PRKG1: variants seen among roughly 807,000 people sequenced by gnomAD.
PRKG1 encodes protein kinase cGMP-dependent 1.
A neutral mutation model predicts 88.1 loss-of-function variants in PRKG1; 35 were observed. The ratio of observed to expected loss-of-function variants is 0.40; its 90% CI spans 0.30 to 0.53. The LOEUF (loss-of-function observed/expected upper bound fraction) is 0.53, where lower values mean the gene tolerates loss of function less well. Ranked by LOEUF, PRKG1 falls within the 20% of genes least tolerant of loss-of-function variation. The probability of loss-of-function intolerance (pLI) is 0.59; values close to 1 mark genes in which losing one functional copy is unlikely to be tolerated. For missense variants in PRKG1, 540 were observed against 839.8 expected, an observed-to-expected ratio of 0.64 and a Z score of 4.41; for synonymous variants, 303 against 292.5, an observed-to-expected ratio of 1.04 and a Z score of -0.37.
intron 4 of PRKG1, among the ~76,000 whole-genome samples, chr10:51,827,676 G>A (rs1246238951): frequency 6.6e-6 from 1 of 152,070 alleles, no homozygotes; most frequent in Admixed American, 6.6e-5. Flanking sequence ...TGAGTTAATT[G>A]TGTAAAAAGA....
chr10:50,995,882 A>G (rs1244513626), intron 1 of PRKG1, among the ~76,000 whole-genome samples: 3 of 152,186 alleles, frequency 2.0e-5, no homozygotes, highest in Admixed American at 6.5e-5. Context: ...TGGAACTGGA[A>G]CTTCCTTTCA....
chr10:51,872,426 T>C (rs540144494), intron 4 of PRKG1, among the ~76,000 whole-genome samples: 234 of 152,306 alleles, frequency 1.5e-3, no homozygotes, highest in African/African-American at 5.4e-3. Flanking sequence ...ATTAACGTGA[T>C]GACTATTAGT....
intron 3 of PRKG1, among the ~76,000 whole-genome samples, chr10:51,565,124 C>G (rs1438148944): frequency 6.6e-6 from 1 of 152,142 alleles, no homozygotes; most frequent in South Asian, 2.1e-4. Flanking sequence ...ACCAAACAAA[C>G]AAAATAGATA....
chr10:51,868,546 T>G (rs764378092), intron 4 of PRKG1, among the ~76,000 whole-genome samples: 1 of 152,098 alleles, frequency 6.6e-6, no homozygotes, highest in Non-Finnish European at 1.5e-5. Context: ...CCTTGGCATT[T>G]TGGGAGGCAT....
At chr10:51,531,620 G>A (rs546588122) in intron 3 of PRKG1, among the ~76,000 whole-genome samples, 9 of 146,976 alleles carry the variant, frequency 6.1e-5, no homozygotes, top group Admixed American at 1.4e-4. Context: ...ACATTGTTTC[G>A]GACTACAAAA....
intron 3 of PRKG1, among the ~76,000 whole-genome samples, chr10:51,764,872 G>T (rs34606567): frequency 0.42 from 63,780 of 151,886 alleles, 14,037 homozygotes; most frequent in Middle Eastern, 0.55. Context: ...TATCAAATAG[G>T]CAGAGAGCTT....
At chr10:51,122,313 G>T (rs1356374818) in intron 1 of PRKG1, among the ~76,000 whole-genome samples, 1 of 152,186 alleles carries the variant, frequency 6.6e-6, no homozygotes, top group Non-Finnish European at 1.5e-5. Flanking sequence ...CTCCCAAACA[G>T]TAGTGAGACA....
chr10:51,512,374 G>A (rs1219990321), intron 3 of PRKG1, among the ~76,000 whole-genome samples: 2 of 121,434 alleles, frequency 1.6e-5, no homozygotes, highest in Non-Finnish European at 3.2e-5. Flanking sequence ...TCTCCAGAGT[G>A]TGATATTCCC....
chr10:52,008,717 G>A (rs1309900501), intron 5 of PRKG1, among the ~76,000 whole-genome samples: 1 of 151,976 alleles, frequency 6.6e-6, no homozygotes, highest in Non-Finnish European at 1.5e-5. Context: ...TTAAAAAATT[G>A]TCAAGTTTCC....
At chr10:51,043,833 G>A (rs11814118) in intron 1 of PRKG1, among the ~76,000 whole-genome samples, 5,243 of 152,240 alleles carry the variant, frequency 0.034, 135 homozygotes, top group Non-Finnish European at 0.051. Flanking sequence ...AATGGCATTG[G>A]ATGGGGAGAG....
intron 8 of PRKG1, among the ~76,000 whole-genome samples, chr10:52,135,227 G>A (rs531269540): frequency 6.1e-4 from 93 of 152,052 alleles, no homozygotes; most frequent in Non-Finnish European, 1.3e-3. Flanking sequence ...TATAGGAAAA[G>A]CAATATAAAT....
At chr10:52,108,320 T>TAAAAG (rs1847473210) in intron 7 of PRKG1, among the ~76,000 whole-genome samples, 1 of 152,230 alleles carries the variant, frequency 6.6e-6, no homozygotes, top group Non-Finnish European at 1.5e-5. Flanking sequence ...GCTTTCAATC[T>TAAAAG]GTATGATAGT....
At chr10:52,102,599 G>GAAAAAAAAAAA (rs71032624) in intron 7 of PRKG1, among the ~76,000 whole-genome samples, 8 of 125,424 alleles carry the variant, frequency 6.4e-5, no homozygotes, top group African/African-American at 8.6e-5. Context: ...GCAAAAAAAA[G>GAAAAAAAAAAA]AAAAAAAAAT....
At chr10:52,021,590 A>G (rs965119104) in intron 5 of PRKG1, among the ~76,000 whole-genome samples, 4 of 152,166 alleles carry the variant, frequency 2.6e-5, no homozygotes, top group Non-Finnish European at 5.9e-5. Flanking sequence ...AAAAAATTAC[A>G]TATGTGTTTA....
chr10:51,706,734 C>T (rs1589220311), intron 3 of PRKG1, among the ~76,000 whole-genome samples: 1 of 152,056 alleles, frequency 6.6e-6, no homozygotes, highest in African/African-American at 2.4e-5. Context: ...AGATTGGCTA[C>T]CTAGTTCAAC....
chr10:51,536,321 G>T (rs1842150732), intron 3 of PRKG1, among the ~76,000 whole-genome samples: 1 of 152,042 alleles, frequency 6.6e-6, no homozygotes, highest in African/African-American at 2.4e-5. Context: ...TTTTATGTTT[G>T]TTAGCCATTT....
intron 2 of PRKG1, among the ~76,000 whole-genome samples, chr10:51,191,377 G>A (rs562678470): frequency 6.6e-6 from 1 of 151,866 alleles, no homozygotes; most frequent in South Asian, 2.1e-4. Context: ...TTCTCCATAT[G>A]TAAGAAAAGT....
At chr10:51,851,071 C>T (rs552507985) in intron 4 of PRKG1, among the ~76,000 whole-genome samples, 3 of 151,964 alleles carry the variant, frequency 2.0e-5, no homozygotes, top group Non-Finnish European at 4.4e-5. Context: ...TGGGACAACC[C>T]AGAAATACAT....
At chr10:52,158,111 T>C (rs1323913749) in intron 8 of PRKG1, among the ~76,000 whole-genome samples, 1 of 151,760 alleles carries the variant, frequency 6.6e-6, no homozygotes, top group East Asian at 1.9e-4. Flanking sequence ...GTTTAGCATG[T>C]AGAAATTTGG....
Sources: gnomAD v4.1 joint callset for allele counts (sites outside exome capture counted in the v4.1 genomes callset) on GRCh38, gnomAD v4.1.1 for gene constraint, MANE v1.5 for transcripts, NCBI Gene and HGNC (gene_info 2026-07-23, HGNC 2026-07-21) for gene names.